TYW1B: variants seen among roughly 807,000 people sequenced by gnomAD.
TYW1B encodes the protein tRNA-yW synthesizing protein 1 homolog B, also known as S-adenosyl-L-methionine-dependent tRNA 4-demethylwyosine synthase TYW1B.
A neutral mutation model predicts 86.9 loss-of-function variants in TYW1B; 73 were observed. The ratio of observed to expected loss-of-function variants is 0.84; its 90% CI spans 0.70 to 1.02. The LOEUF (loss-of-function observed/expected upper bound fraction) is 1.02, where lower values mean the gene tolerates loss of function less well. Among genes scored for constraint, TYW1B ranks in the 50% least tolerant of loss-of-function variants. The probability of loss-of-function intolerance (pLI) is 0.00; values close to 1 mark genes in which losing one functional copy is unlikely to be tolerated. For missense variants in TYW1B, 637 were observed against 827.4 expected, an observed-to-expected ratio of 0.77 and a Z score of 2.82; for synonymous variants, 248 against 292.8, an observed-to-expected ratio of 0.85 and a Z score of 1.56.
At chr7:72,679,640 T>C (rs754562953) in intron 11 of TYW1B, among the ~76,000 whole-genome samples, 1 of 152,184 alleles carries the variant, frequency 6.6e-6, no homozygotes, top group African/African-American at 2.4e-5. Flanking sequence ...GCATATAATA[T>C]GAATGTACAT....
chr7:72,761,775 CAAAGA>C (rs1787690000), intron 7 of TYW1B, among the ~76,000 whole-genome samples: 1 of 147,490 alleles, frequency 6.8e-6, no homozygotes, highest in African/African-American at 2.5e-5. Context: ...AGAAAGGTTA[CAAAGA>C]AAAGAATAAC....
intron 11 of TYW1B, among the ~76,000 whole-genome samples, chr7:72,656,028 C>T (rs1257596206): frequency 2.6e-5 from 4 of 152,094 alleles, no homozygotes; most frequent in South Asian, 2.1e-4. Flanking sequence ...AAGACTGGCC[C>T]GACCAGGACC....
chr7:72,620,178 C>G (rs1220546490), intron 12 of TYW1B, among the ~76,000 whole-genome samples: 5 of 152,168 alleles, frequency 3.3e-5, no homozygotes, highest in Non-Finnish European at 7.4e-5. Flanking sequence ...GGGCAGATCA[C>G]TTGAGGTCAG....
chr7:72,613,396 A>AT (rs1811984301), intron 13 of TYW1B, among the ~76,000 whole-genome samples: 1 of 130,402 alleles, frequency 7.7e-6, no homozygotes, highest in African/African-American at 3.0e-5. Context: ...TTTACTTTAT[A>AT]TCTTCTTTTT....
chr7:72,795,388 A>G (rs1441192754), intron 6 of TYW1B, among the ~76,000 whole-genome samples: 1 of 151,490 alleles, frequency 6.6e-6, no homozygotes, highest in Non-Finnish European at 1.5e-5. Flanking sequence ...TCGCCTCACC[A>G]TGTTTTTTTG....
chr7:72,678,837 G>A (rs558655584), intron 11 of TYW1B, among the ~76,000 whole-genome samples: 1 of 151,958 alleles, frequency 6.6e-6, no homozygotes, highest in African/African-American at 2.4e-5. Context: ...CAACGTGCCC[G>A]GACAATCCCA....
chr7:72,793,611 C>T (rs1361945699), intron 6 of TYW1B, among the ~76,000 whole-genome samples: 2 of 151,984 alleles, frequency 1.3e-5, no homozygotes, highest in South Asian at 4.1e-4. Flanking sequence ...CAAAAATTAG[C>T]CAGGCATGGT....
chr7:72,751,635 G>T (rs1251857873), intron 7 of TYW1B, among the ~76,000 whole-genome samples: 1 of 152,030 alleles, frequency 6.6e-6, no homozygotes, highest in East Asian at 1.9e-4. Flanking sequence ...GATTTATCTG[G>T]TGTTGCTGTC....
Position 72,810,608 on chromosome 7 carries a change from T to C in TYW1B, c.295A>G (p.Thr99Ala), listed in dbSNP as rs782574708. ...LVATYTDGLPTESAEWFCKWL... is the reference protein window; with the variant it reads ...LVATYTDGLPAESAEWFCKWL... ...TTGCAGAACCACTCTGCACTTTCGG[T>C]TGGTAGGCCGTCAGTGTATGTCGCA... Residue 99 changes from threonine (T) to alanine (A), a missense_variant, in exon 4 of 14, where the codon ACC becomes GCC. Transcript: ENST00000620995. The C allele has an allele frequency of 8.7e-6, 14 of 1,613,788 alleles. No individual in the cohort carries two copies. The highest frequency in any genetic ancestry group is 8.0e-5 in the African/African-American group (6 of 74,924).
chr7:72,733,483 C>A (rs541220201), intron 8 of TYW1B, among the ~76,000 whole-genome samples: 127 of 152,102 alleles, frequency 8.3e-4, no homozygotes, highest in African/African-American at 2.9e-3. Flanking sequence ...TACGGTGAAA[C>A]CCTGTCTCTA....
intron 9 of TYW1B, among the ~76,000 whole-genome samples, chr7:72,716,525 GAC>G (rs1200592390): frequency 1.3e-5 from 2 of 152,186 alleles, no homozygotes; most frequent in Non-Finnish European, 2.9e-5. Flanking sequence ...TTTTATTTTA[GAC>G]ACACTGTTCC....
intron 11 of TYW1B, among the ~76,000 whole-genome samples, chr7:72,668,606 C>A (rs1813521178): frequency 1.3e-5 from 2 of 152,282 alleles, no homozygotes; most frequent in East Asian, 1.9e-4. Context: ...AACTGCTCCA[C>A]AAGCCACACG....
intron 3 of TYW1B, among the ~76,000 whole-genome samples, chr7:72,812,351 T>C (rs1167225538): frequency 1.3e-5 from 2 of 152,098 alleles, no homozygotes; most frequent in Non-Finnish European, 2.9e-5. Context: ...ATTTTCCACT[T>C]GTGGCCTCCT....
At chr7:72,751,041 CTTTT>C (rs376564412) in intron 7 of TYW1B, among the ~76,000 whole-genome samples, 1 of 146,462 alleles carries the variant, frequency 6.8e-6, no homozygotes. Context: ...GGTAAATTCC[CTTTT>C]TTTTTTTTTT....
intron 9 of TYW1B, among the ~76,000 whole-genome samples, chr7:72,725,457 T>C (rs1180372457): frequency 3.3e-5 from 5 of 152,294 alleles, no homozygotes; most frequent in African/African-American, 1.2e-4. Context: ...AAAATAAAAG[T>C]ACTGGCATTT....
At chr7:72,809,999 CA>C (rs59099398) in intron 4 of TYW1B, among the ~76,000 whole-genome samples, 5,799 of 75,862 alleles carry the variant, frequency 0.076, 399 homozygotes, top group African/African-American at 0.23. Context: ...ACTCTGTTTC[CA>C]AAAAAAAAAA....
intron 13 of TYW1B, among the ~76,000 whole-genome samples, chr7:72,599,401 A>G (rs1811606225): frequency 6.6e-6 from 1 of 152,220 alleles, no homozygotes; most frequent in Non-Finnish European, 1.5e-5. Context: ...CCTAATAAAC[A>G]ATATATACCA....
chr7:72,755,511 A>G (rs957273817), intron 7 of TYW1B, among the ~76,000 whole-genome samples: 6 of 152,312 alleles, frequency 3.9e-5, no homozygotes, highest in African/African-American at 1.4e-4. Context: ...CCCCATCTCT[A>G]TAAAAAATAC....
At chr7:72,653,505 G>A (rs1186785350) in intron 11 of TYW1B, among the ~76,000 whole-genome samples, 9 of 152,188 alleles carry the variant, frequency 5.9e-5, no homozygotes, top group East Asian at 3.9e-4. Context: ...TACATGGGAG[G>A]CTGAGGCAGG....
Sources: gnomAD v4.1 joint callset for allele counts (sites outside exome capture counted in the v4.1 genomes callset) on GRCh38, gnomAD v4.1.1 for gene constraint, MANE v1.5 for transcripts, NCBI Gene and HGNC (gene_info 2026-07-23, HGNC 2026-07-21) for gene names.